FAF1: variants seen among roughly 807,000 people sequenced by gnomAD.
FAF1 encodes FAS-associated factor 1.
A neutral mutation model predicts 92.5 loss-of-function variants in FAF1; 25 were observed. That is an observed-to-expected ratio of 0.27 (90% CI 0.20 to 0.38). FAF1 has a LOEUF of 0.38. FAF1 is among the 10% of genes least tolerant of loss of function. The pLI is 1.00. For missense variants in FAF1, 636 were observed against 793.3 expected, an observed-to-expected ratio of 0.80 and a Z score of 2.38; for synonymous variants, 234 against 273.2, an observed-to-expected ratio of 0.86 and a Z score of 1.42.
intron 15 of FAF1, among the ~76,000 whole-genome samples, chr1:50,495,592 A>C (rs1312314781): frequency 2.6e-5 from 4 of 152,206 alleles, no homozygotes; most frequent in Non-Finnish European, 5.9e-5. Context: ...TATCTCTTTG[A>C]TATACTGATT....
At chr1:50,555,465 T>C (rs1241172870) in intron 13 of FAF1, among the ~76,000 whole-genome samples, 1 of 151,994 alleles carries the variant, frequency 6.6e-6, no homozygotes, top group Non-Finnish European at 1.5e-5. Flanking sequence ...GAACAGACAT[T>C]TTTCAAAAGA....
intron 2 of FAF1, among the ~76,000 whole-genome samples, chr1:50,810,224 C>T (rs1448385554): frequency 6.6e-6 from 1 of 152,064 alleles, no homozygotes; most frequent in Non-Finnish European, 1.5e-5. Flanking sequence ...CATTGCACTC[C>T]AGCCTGGGCA....
chr1:50,656,425 T>C (rs1655115681), intron 7 of FAF1, among the ~76,000 whole-genome samples: 1 of 151,788 alleles, frequency 6.6e-6, no homozygotes, highest in Non-Finnish European at 1.5e-5. Context: ...TATTTACTAA[T>C]ATCAGAGCTA....
chr1:50,688,548 C>A (rs1656774618), intron 7 of FAF1, among the ~76,000 whole-genome samples: 1 of 152,202 alleles, frequency 6.6e-6, no homozygotes, highest in Non-Finnish European at 1.5e-5. Context: ...CGCGGTGGCT[C>A]ACGCCTGTAA....
At chr1:50,833,698 C>A (rs1644175967) in intron 2 of FAF1, among the ~76,000 whole-genome samples, 1 of 152,070 alleles carries the variant, frequency 6.6e-6, no homozygotes, top group Non-Finnish European at 1.5e-5. Context: ...TAGAGGCCCA[C>A]CAAGAGTAGA....
intron 9 of FAF1, among the ~76,000 whole-genome samples, chr1:50,591,674 G>GAAAA (rs35426054): frequency 3.2e-5 from 3 of 93,670 alleles, no homozygotes; most frequent in Admixed American, 1.2e-4. Context: ...CTCCATCTCA[G>GAAAA]AAAAAAAAAA....
intron 1 of FAF1, among the ~76,000 whole-genome samples, chr1:50,944,279 T>A (rs552220903): frequency 2.4e-4 from 36 of 152,310 alleles, no homozygotes; most frequent in African/African-American, 7.0e-4. Context: ...GACCCAGCAG[T>A]CAGCTAAATT....
chr1:50,858,113 A>T, intron 1 of FAF1, 116 bp from the exon 2 acceptor site: 1 of 593,884 alleles, frequency 1.7e-6, no homozygotes, highest in Non-Finnish European at 2.9e-6. Flanking sequence ...TATATGAATA[A>T]AGCCAAAACA....
In FAF1 at chr1:50,490,469, A is replaced by G. The variant is rs529102855; in HGVS notation, c.1653+119T>C. 85 of 609,968 alleles carry G rather than the reference A, an allele frequency of 1.4e-4. 1 individual carries two copies. In the African/African-American group the frequency reaches 1.6e-3, roughly 11 times the overall value. 37.8% of individuals were successfully genotyped at this position (609,968 alleles called of 1,614,324 possible). A position where few individuals can be genotyped will look rare whatever the true frequency, so the allele number is the denominator to read the frequency against. ...GAAGGAAGGAAGGAAGGAAAAAGAA[A>G]GAAGGAAGGAAGGAAGGAAGGAAAG... On this transcript the variant is annotated intron_variant, in intron 17 of 18. Transcript: ENST00000396153.
chr1:50,873,603 C>T (rs904944537), intron 1 of FAF1, among the ~76,000 whole-genome samples: 1 of 152,190 alleles, frequency 6.6e-6, no homozygotes, highest in Non-Finnish European at 1.5e-5. Flanking sequence ...TAAGATACTC[C>T]GACCAACACC....
chr1:50,878,239 T>C (rs1644585913), intron 1 of FAF1, among the ~76,000 whole-genome samples: 1 of 152,242 alleles, frequency 6.6e-6, no homozygotes, highest in South Asian at 2.1e-4. Context: ...CTGTGCCCTT[T>C]GAAACAAAAT....
At chr1:50,731,480 C>T (rs1164941225) in intron 6 of FAF1, among the ~76,000 whole-genome samples, 1 of 151,816 alleles carries the variant, frequency 6.6e-6, no homozygotes, top group East Asian at 1.9e-4. Flanking sequence ...CGCCATTCTC[C>T]TGCCTCAGCC....
At chr1:50,643,114 G>A (rs1654425327) in intron 8 of FAF1, among the ~76,000 whole-genome samples, 1 of 152,220 alleles carries the variant, frequency 6.6e-6, no homozygotes, top group Admixed American at 6.5e-5. Context: ...ACAGGCATGA[G>A]CCACCACGCC....
chr1:50,443,088 C>T (rs144958707), intron 18 of FAF1, among the ~76,000 whole-genome samples: 333 of 152,316 alleles, frequency 2.2e-3, no homozygotes, highest in Non-Finnish European at 3.5e-3. Flanking sequence ...GCTTCTCATT[C>T]GTTGGCATTT....
chr1:50,502,546 C>T (rs1647005250), intron 15 of FAF1, among the ~76,000 whole-genome samples: 1 of 152,138 alleles, frequency 6.6e-6, no homozygotes, highest in Non-Finnish European at 1.5e-5. Context: ...GACTGTTTGA[C>T]AGGAACTAAG....
At chr1:50,805,281 C>T in intron 2 of FAF1, among the ~76,000 whole-genome samples, 1 of 152,088 alleles carries the variant, frequency 6.6e-6, no homozygotes, top group Non-Finnish European at 1.5e-5. Flanking sequence ...ACTATTACTG[C>T]CTTCATGCTA....
intron 18 of FAF1, among the ~76,000 whole-genome samples, chr1:50,453,013 G>A (rs1332692953): frequency 6.6e-6 from 1 of 152,146 alleles, no homozygotes; most frequent in African/African-American, 2.4e-5. Flanking sequence ...CCTTCTCAAA[G>A]TTCTTAAATG....
chr1:50,640,295 G>GT lies in FAF1; in HGVS notation c.744+15146dup, dbSNP rs937840700. ...GGTCCTGAAGTTTTTGTTGTGGCAA[G>GT]TTTTTTTTTTTTTTTGAGACAGAGT... On this transcript the variant is annotated intron_variant, in intron 8 of 18. Coordinates refer to ENST00000396153, the MANE Select transcript of FAF1 (RefSeq NM_007051.3). Among the ~76,000 whole-genome samples, 882 of 142,008 alleles carry GT rather than the reference G, an allele frequency of 6.2e-3. 6 individuals carry two copies. The highest frequency in any genetic ancestry group is 0.034 in the East Asian group (164 of 4,880). The allele number at this position is 142,008 out of a possible 152,430, so 93.2% of individuals were successfully genotyped here.
At chr1:50,907,321 G>T (rs1179724682) in intron 1 of FAF1, among the ~76,000 whole-genome samples, 1 of 152,158 alleles carries the variant, frequency 6.6e-6, no homozygotes, top group Non-Finnish European at 1.5e-5. Context: ...TGTTCATCAG[G>T]GATATTAGTC....
Sources: allele counts gnomAD v4.1 joint callset (sites outside exome capture counted in the v4.1 genomes callset), GRCh38; gene constraint gnomAD v4.1.1; transcripts MANE v1.5; gene names NCBI Gene and HGNC (gene_info 2026-07-23, HGNC 2026-07-21).